The following GFI1 variants were observed in gnomAD, a reference collection of about 807,000 sequenced individuals.
GFI1 encodes growth factor independent 1 transcriptional repressor, also known as zinc finger protein Gfi-1.
Under a neutral mutation model 39.2 loss-of-function variants are expected in GFI1, and 15 were observed. The observed-to-expected ratio is 0.38, with a 90% CI of 0.26 to 0.59. GFI1 has a LOEUF of 0.59. GFI1 is among the 20% of genes least tolerant of loss of function. GFI1 has a pLI of 0.62. For synonymous variants in GFI1, 239 were observed against 254.3 expected, an observed-to-expected ratio of 0.94 and a Z score of 0.57; for missense variants, 475 against 574.0, an observed-to-expected ratio of 0.83 and a Z score of 1.76.
chr1:92,480,227 G>C lies in GFI1; in HGVS notation c.924+121C>G, dbSNP rs762948245. The C allele has an allele frequency of 1.5e-4, 173 of 1,136,652 alleles. No individual in the cohort carries two copies. The highest frequency in any genetic ancestry group is 2.1e-4 in the Non-Finnish European group (165 of 788,054). 70.4% of individuals were successfully genotyped at this position (1,136,652 alleles called of 1,614,324 possible). ...GCAAGGGGACGCAGCGGAGGGCTTGGGGGAGGAAACTGGGGGAAGTCGAGG... is the reference window on the plus strand; with the variant it reads ...GCAAGGGGACGCAGCGGAGGGCTTGCGGGAGGAAACTGGGGGAAGTCGAGG... On this transcript the variant is annotated intron_variant, in intron 5 of 6. Coordinates refer to ENST00000294702, the MANE Select transcript of GFI1 (RefSeq NM_005263.5). This position sits in a 1 kb window ranked among gnomAD's most constrained non-coding sequence, Gnocchi z 5.6.
Position 92,483,368 on chromosome 1 carries a change from C to A in GFI1, c.115+5G>T, listed in dbSNP as rs748584016. ...AGCCCCGCCTGGCCCGCGCGCGCCT[C>A]GCACCTGCTCGGCTAGGCGCCGGTA... is the stretch of plus-strand genomic sequence containing the variant. On this transcript the variant is annotated splice_donor_5th_base_variant and intron_variant, in intron 2 of 6. Transcript: ENST00000294702. The A allele has an allele frequency of 2.6e-6, 4 of 1,565,858 alleles. No homozygotes were observed. Among genetic ancestry groups the A allele is most frequent in the Non-Finnish European group, 3.5e-6 (4 of 1,137,850 alleles).
intron 1 of GFI1, among the ~76,000 whole-genome samples, chr1:92,486,299 T>C (rs1208405427): frequency 6.6e-6 from 1 of 152,012 alleles, no homozygotes; most frequent in African/African-American, 2.4e-5. Flanking sequence ...CCCTTAGTAG[T>C]CCTCCCAGTT....
chr1:92,480,534 C>A lies in GFI1; in HGVS notation c.787-49G>T, dbSNP rs1352051170. On this transcript the variant is annotated intron_variant, in intron 4 of 6. Transcript: ENST00000294702. This position sits in a 1 kb window ranked among gnomAD's most constrained non-coding sequence, Gnocchi z 5.6. Reference sequence around the variant, plus strand: ...AAGGCCGCTGAGAGGGGCCGCGGGGCGCAGGCGAGGCGCGGGTAGGGGAAG... The same window carrying A: ...AAGGCCGCTGAGAGGGGCCGCGGGGAGCAGGCGAGGCGCGGGTAGGGGAAG... The A allele has an allele frequency of 6.5e-7, 1 of 1,546,680 alleles. No individual in the cohort carries two copies. Among genetic ancestry groups the A allele is most frequent in the East Asian group, 2.4e-5 (1 of 40,846 alleles).
rs1557668600 is a variant in GFI1, at chr1:92,480,006, G to T, written c.924+342C>A. ...TTAAGTGACAACCATTTGGTGAAAAGAATAGGCACAAAGAAACAGAGCTAG... is the reference window on the plus strand; with the variant it reads ...TTAAGTGACAACCATTTGGTGAAAATAATAGGCACAAAGAAACAGAGCTAG... On this transcript the variant is annotated intron_variant, in intron 5 of 6. Transcript: ENST00000294702. This position sits in a 1 kb window ranked among gnomAD's most constrained non-coding sequence, Gnocchi z 5.6. 6.6e-6 allele frequency among the ~76,000 whole-genome samples: 1 copy of T among 152,180 alleles called. No homozygotes were observed. Among genetic ancestry groups the T allele is most frequent in the Non-Finnish European group, 1.5e-5 (1 of 68,038 alleles).
Position 92,473,941 on chromosome 1 carries a change from A to C in GFI1, c.*2088T>G, listed in dbSNP as rs963261013. 6.6e-6 allele frequency among the ~76,000 whole-genome samples: 1 copy of C among 152,246 alleles called. No individual in the cohort carries two copies. The highest frequency in any genetic ancestry group is 2.4e-5 in the African/African-American group (1 of 41,462). Reference sequence around the variant, plus strand: ...CACCCCCTAGAAGAATGCCCAGCACATACTGGGTGCTCAATTATATGTGTG... The same window carrying C: ...CACCCCCTAGAAGAATGCCCAGCACCTACTGGGTGCTCAATTATATGTGTG... On this transcript the variant is annotated 3_prime_UTR_variant, in exon 7 of 7. Coordinates refer to ENST00000294702, the MANE Select transcript of GFI1 (RefSeq NM_005263.5).
At chr1:92,479,789 G>A (rs572881934) in intron 5 of GFI1, among the ~76,000 whole-genome samples, 1 of 152,256 alleles carries the variant, frequency 6.6e-6, no homozygotes, top group South Asian at 2.1e-4. Context: ...ACAGGGGGAG[G>A]TTGCAGTGAG....
chr1:92,480,204 A>T lies in GFI1; in HGVS notation c.924+144T>A. On this transcript the variant is annotated intron_variant, in intron 5 of 6. Transcript: ENST00000294702. This position sits in a 1 kb window ranked among gnomAD's most constrained non-coding sequence, Gnocchi z 5.6. Reference sequence around the variant, plus strand: ...TTTCCCTACACACCTGCACCAGGGCAAGGGGACGCAGCGGAGGGCTTGGGG... The same window carrying T: ...TTTCCCTACACACCTGCACCAGGGCTAGGGGACGCAGCGGAGGGCTTGGGG... 1.1e-6 allele frequency: 1 copy of T among 905,402 alleles called. No homozygotes were observed. Among genetic ancestry groups the T allele is most frequent in the Non-Finnish European group, 1.7e-6 (1 of 585,350 alleles). 56.1% of individuals were successfully genotyped at this position (905,402 alleles called of 1,614,324 possible).
In GFI1 at chr1:92,474,214, A is replaced by G. The variant is rs1379137293; in HGVS notation, c.*1815T>C. On this transcript the variant is annotated 3_prime_UTR_variant, in exon 7 of 7. Coordinates refer to ENST00000294702, the MANE Select transcript of GFI1 (RefSeq NM_005263.5). ...TTGCATTAGGGGAGGCAGCTAACCA[A>G]TCTCACACTTTTTTTCCTTTCCAGT... Among the ~76,000 whole-genome samples, 2 of 152,216 alleles carry G rather than the reference A, an allele frequency of 1.3e-5. No homozygotes were observed. Among genetic ancestry groups the G allele is most frequent in the African/African-American group, 2.4e-5 (1 of 41,456 alleles).
rs1392795157 is a variant in GFI1 at position 92,475,081 on chromosome 1, A to G, written c.*948T>C. On this transcript the variant is annotated 3_prime_UTR_variant, in exon 7 of 7. Transcript: ENST00000294702. ...AAAGGGTCAAAAGGGAAGGTTTACA[A>G]TTCTGTGCTGTCTTCTCAGAATTCC... is the stretch of plus-strand genomic sequence containing the variant. The G allele has an allele frequency of 2.6e-5, 4 of 152,224 alleles. No individual in the cohort carries two copies. Among genetic ancestry groups the G allele is most frequent in the African/African-American group, 9.6e-5 (4 of 41,452 alleles). 9.4% of individuals were successfully genotyped at this position (152,224 alleles called of 1,614,324 possible). A position where few individuals can be genotyped will look rare whatever the true frequency, so the allele number is the denominator to read the frequency against.
Position 92,473,059 on chromosome 1 carries a change from T to G in GFI1, c.*2970A>C, listed in dbSNP as rs1032810616. On this transcript the variant is annotated 3_prime_UTR_variant, in exon 7 of 7. Transcript: ENST00000294702. ...GACATGGAATATTCACAATCTATTT[T>G]TAATGGAGTCAAGTAATAACATTAA... Among the ~76,000 whole-genome samples, 3 of 152,164 alleles carry G rather than the reference T, an allele frequency of 2.0e-5. No homozygotes were observed. Among genetic ancestry groups the G allele is most frequent in the African/African-American group, 7.2e-5 (3 of 41,428 alleles).
rs935728722 is a variant in GFI1, at chr1:92,484,640, C to T, written c.-99-1054G>A. The T allele has an allele frequency of 1.3e-5, 2 of 152,242 alleles. No homozygotes were observed. The highest frequency in any genetic ancestry group is 2.4e-5 in the African/African-American group (1 of 41,464). The allele number at this position is 152,242 out of a possible 1,614,324, so 9.4% of individuals were successfully genotyped here. On this transcript the variant is annotated intron_variant, in intron 1 of 6. Coordinates refer to ENST00000294702, the MANE Select transcript of GFI1 (RefSeq NM_005263.5). This position sits in a 1 kb window ranked among gnomAD's most constrained non-coding sequence, Gnocchi z 4.1. ...GGAACTAGCTGCCCGGGGCGTCGCT[C>T]TCATTAACCCCCAATCAGTTCACCT...
Position 92,486,850 on chromosome 1 carries a change from C to G in GFI1, c.-224G>C, listed in dbSNP as rs1177600730. ...GCCCTGGCGGCGCGTCCCGCGGGCG[C>G]CCGGCGGGACCGGTGGGCGCACCCT... On this transcript the variant is annotated 5_prime_UTR_variant, in exon 1 of 7. Coordinates refer to ENST00000294702, the MANE Select transcript of GFI1 (RefSeq NM_005263.5). 3 of 152,138 alleles carry G rather than the reference C, an allele frequency of 2.0e-5. No homozygotes were observed. Among genetic ancestry groups the G allele is most frequent in the African/African-American group, 7.2e-5 (3 of 41,446 alleles). The allele number at this position is 152,138 out of a possible 1,614,324, so 9.4% of individuals were successfully genotyped here.
At position 92,475,925 on chromosome 1, in the gene GFI1, A is replaced by G; in HGVS notation, c.*104T>C. On this transcript the variant is annotated 3_prime_UTR_variant, in exon 7 of 7. Coordinates refer to ENST00000294702, the MANE Select transcript of GFI1 (RefSeq NM_005263.5). ...TCTGCAGACTGGACCTGGGGTCTGG[A>G]AAGTCAGAAGGGAGTGGAGGCAAGC... 1 of 1,097,728 alleles carries G rather than the reference A, an allele frequency of 9.1e-7. No homozygotes were observed. The highest frequency in any genetic ancestry group is 1.4e-6 in the Non-Finnish European group (1 of 735,866). 68.0% of individuals were successfully genotyped at this position (1,097,728 alleles called of 1,614,324 possible). A position where few individuals can be genotyped will look rare whatever the true frequency, so the allele number is the denominator to read the frequency against.
Position 92,476,210 on chromosome 1 carries a change from G to A in GFI1, c.1091-3C>T. On this transcript the variant is annotated splice_polypyrimidine_tract_variant and splice_region_variant and intron_variant, in intron 6 of 6. Transcript: ENST00000294702. ...CTGGCACTTGTGAGGCTTCTCACCTGTGGGGATGGGAGGGGGAGGGGAGAA... is the reference window on the plus strand; with the variant it reads ...CTGGCACTTGTGAGGCTTCTCACCTATGGGGATGGGAGGGGGAGGGGAGAA... 2 of 1,611,644 alleles carry A rather than the reference G, an allele frequency of 1.2e-6. No homozygotes were observed. Among genetic ancestry groups the A allele is most frequent in the East Asian group, 2.2e-5 (1 of 44,846 alleles).
chr1:92,481,239 G>A lies in GFI1; in HGVS notation c.299-151C>T. 3 of 737,802 alleles carry A rather than the reference G, an allele frequency of 4.1e-6. No individual in the cohort carries two copies. The highest frequency in any genetic ancestry group is 7.0e-6 in the Non-Finnish European group (3 of 430,054). 45.7% of individuals were successfully genotyped at this position (737,802 alleles called of 1,614,324 possible). On this transcript the variant is annotated intron_variant, in intron 3 of 6. Transcript: ENST00000294702. This position sits in a 1 kb window ranked among gnomAD's most constrained non-coding sequence, Gnocchi z 4.3. ...GCGCCAGGTGCCAGGCTCGCCCCAG[G>A]GTAAAACGTGGCCCGGGCCCTGGGG...
Position 92,480,990 on chromosome 1 carries a change from G to T in GFI1, c.397C>A (p.Arg133=). The change falls in exon 4 of 7, where the codon CGG becomes AGG. Residue 133 remains arginine, a synonymous_variant. Transcript: ENST00000294702. The surrounding 1 kb of genome is among the most constrained non-coding windows in gnomAD (Gnocchi z 5.6). ...GGTCGGTAGCTCTGCACCAGGTGCC[G>T]CAGGTCAGAACCCGCCAGGCCGCTC... ...SWSGLAGSDL[R]HLVQSYRPCG... is the part of the protein sequence containing the mutation. 1.2e-6 allele frequency: 2 copies of T among 1,607,716 alleles called. No individual in the cohort carries two copies. The highest frequency in any genetic ancestry group is 8.5e-7 in the Non-Finnish European group (1 of 1,177,682).
Position 92,482,757 on chromosome 1 carries a change from TC to T in GFI1, c.298+106del. 2 of 874,424 alleles carry T rather than the reference TC, an allele frequency of 2.3e-6. No individual in the cohort carries two copies. Among genetic ancestry groups the T allele is most frequent in the Non-Finnish European group, 3.8e-6 (2 of 527,570 alleles). 54.2% of individuals were successfully genotyped at this position (874,424 alleles called of 1,614,324 possible). ...ATCAGCTCCCTTCTCCCGGAAAGAC[TC>T]TCCAACTCCCCGTTAGCATTTCTAC... On this transcript the variant is annotated intron_variant, in intron 3 of 6. Transcript: ENST00000294702. This position sits in a 1 kb window ranked among gnomAD's most constrained non-coding sequence, Gnocchi z 4.4.
At chr1:92,476,579 G>C (rs940975056) in intron 6 of GFI1, among the ~76,000 whole-genome samples, 1 of 152,248 alleles carries the variant, frequency 6.6e-6, no homozygotes, top group South Asian at 2.1e-4. Flanking sequence ...AACAGGAAGG[G>C]GAGGGGGAAG....
chr1:92,473,414 T>C lies in GFI1; in HGVS notation c.*2615A>G, dbSNP rs1199348734. ...AGGGTGACTTCTGTGGGAAGGATGTTTTTGTCATTTTCATTCACTGGGAGG... is the reference window on the plus strand; with the variant it reads ...AGGGTGACTTCTGTGGGAAGGATGTCTTTGTCATTTTCATTCACTGGGAGG... On this transcript the variant is annotated 3_prime_UTR_variant, in exon 7 of 7. Transcript: ENST00000294702. Among the ~76,000 whole-genome samples, 4 of 152,144 alleles carry C rather than the reference T, an allele frequency of 2.6e-5. No homozygotes were observed. In the East Asian group the frequency reaches 7.7e-4, roughly 29 times the overall value.
Sources: gnomAD v4.1 joint callset for allele counts (sites outside exome capture counted in the v4.1 genomes callset) on GRCh38, gnomAD v4.1.1 for gene constraint, Gnocchi (gnomAD v3.1) non-coding constraint, MANE v1.5 for transcripts, NCBI Gene and HGNC (gene_info 2026-07-23, HGNC 2026-07-21) for gene names.